Variants in MYO3B observed in about 807,000 individuals in gnomAD.
MYO3B encodes myosin IIIB.
Under a neutral mutation model 174.6 loss-of-function variants are expected in MYO3B, and 156 were observed. The observed-to-expected ratio is 0.89, with a 90% CI of 0.78 to 1.02. The LOEUF (loss-of-function observed/expected upper bound fraction) is 1.02. Ranked by LOEUF, MYO3B falls within the 50% of genes least tolerant of loss-of-function variation. The probability of loss-of-function intolerance (pLI) is 0.00; values close to 1 mark genes in which losing one functional copy is unlikely to be tolerated. For synonymous variants in MYO3B, 563 were observed against 569.1 expected, an observed-to-expected ratio of 0.99 and a Z score of 0.15; for missense variants, 1,632 against 1,639.4, an observed-to-expected ratio of 1.00 and a Z score of 0.08.
At chr2:170,434,924 T>G (rs1477537257) in intron 22 of MYO3B, among the ~76,000 whole-genome samples, 1 of 152,208 alleles carries the variant, frequency 6.6e-6, no homozygotes, top group Non-Finnish European at 1.5e-5. Context: ...CTCCCCAGAT[T>G]CTGGGATTAC....
intron 1 of MYO3B, among the ~76,000 whole-genome samples, chr2:170,189,597 G>C (rs2092514083): frequency 1.3e-5 from 2 of 150,958 alleles, no homozygotes; most frequent in Admixed American, 6.6e-5. Context: ...TCTTCTGCTT[G>C]ATCAATTCTG....
chr2:170,337,359 C>G (rs1574809597), intron 8 of MYO3B, among the ~76,000 whole-genome samples: 1 of 152,120 alleles, frequency 6.6e-6, no homozygotes, highest in Non-Finnish European at 1.5e-5. Context: ...CTTGATTGAC[C>G]TTGTCTAAGC....
chr2:170,198,046 C>T (rs1425656601), intron 1 of MYO3B, among the ~76,000 whole-genome samples: 3 of 151,586 alleles, frequency 2.0e-5, no homozygotes, highest in African/African-American at 7.3e-5. Flanking sequence ...GAAATAAGCT[C>T]CTAGGGCCTC....
chr2:170,622,637 T>C (rs1303927751), intron 32 of MYO3B, among the ~76,000 whole-genome samples: 1 of 152,140 alleles, frequency 6.6e-6, no homozygotes, highest in Non-Finnish European at 1.5e-5. Flanking sequence ...GTTTGTTACA[T>C]ATGTATACAT....
At chr2:170,302,925 TTTTG>T (rs2105448161) in intron 7 of MYO3B, among the ~76,000 whole-genome samples, 1 of 152,320 alleles carries the variant, frequency 6.6e-6, no homozygotes, top group African/African-American at 2.4e-5. Context: ...TGTCACTGAT[TTTTG>T]TTTTTGTTTT....
chr2:170,633,950 A>G (rs990212640), intron 32 of MYO3B, among the ~76,000 whole-genome samples: 8 of 152,276 alleles, frequency 5.3e-5, no homozygotes, highest in African/African-American at 1.7e-4. Context: ...CAAACCACTG[A>G]TCAACGAAAT....
chr2:170,225,682 T>G (rs1379485988), intron 6 of MYO3B, among the ~76,000 whole-genome samples: 2 of 152,138 alleles, frequency 1.3e-5, no homozygotes, highest in African/African-American at 2.4e-5. Context: ...AATTTTAGAG[T>G]CAGATAGATT....
chr2:170,386,399 C>A, intron 13 of MYO3B, 127 bp downstream of exon 13: 1 of 691,354 alleles, frequency 1.4e-6, no homozygotes. Context: ...ATCTTTGCTA[C>A]GTTTGCCTCC....
At position 170,404,104 on chromosome 2, in the gene MYO3B, G is replaced by A; in HGVS notation, c.2278-143G>A. The A allele has an allele frequency of 6.1e-6, 5 of 815,550 alleles. No individual in the cohort carries two copies. The South Asian group carries it at 1.1e-4, about 18-fold the overall frequency. The allele number at this position is 815,550 out of a possible 1,614,324, so 50.5% of individuals were successfully genotyped here. A position where few individuals can be genotyped will look rare whatever the true frequency, so the allele number is the denominator to read the frequency against. On this transcript the variant is annotated intron_variant, in intron 19 of 34. Transcript: ENST00000408978. Reference sequence around the variant, plus strand: ...AGCTTTAATGGTGTTATATGCAGAAGATTCCTTTATTATACACATAAAACA... The same window carrying A: ...AGCTTTAATGGTGTTATATGCAGAAAATTCCTTTATTATACACATAAAACA...
intron 7 of MYO3B, among the ~76,000 whole-genome samples, chr2:170,295,650 G>A (rs982159249): frequency 6.6e-6 from 1 of 152,096 alleles, no homozygotes; most frequent in African/African-American, 2.4e-5. Context: ...TGAGCCAACT[G>A]TCTTTGTTCC....
chr2:170,344,180 T>A (rs2093998207), intron 8 of MYO3B: 1 of 152,320 alleles, frequency 6.6e-6, no homozygotes, highest in Non-Finnish European at 1.5e-5. Context: ...ACTTTAAGAC[T>A]CTCTGGGCCA....
In MYO3B at chr2:170,403,013, G is replaced by T; in HGVS notation, c.2277+18G>T. 6.4e-7 allele frequency: 1 copy of T among 1,559,058 alleles called. No homozygotes were observed. The highest frequency in any genetic ancestry group is 1.2e-5 in the South Asian group (1 of 83,804). On this transcript the variant is annotated intron_variant, in intron 19 of 34. Coordinates refer to ENST00000408978, the MANE Select transcript of MYO3B (RefSeq NM_138995.5). Reference sequence around the variant, plus strand: ...TTGAGCAGGTAATAGTGAACTCTGAGGTAACTAAACTTGATGGGGAAAAGG... The same window carrying T: ...TTGAGCAGGTAATAGTGAACTCTGATGTAACTAAACTTGATGGGGAAAAGG...
intron 32 of MYO3B, chr2:170,648,027 A>T (rs1698512198): frequency 6.6e-6 from 1 of 152,242 alleles, no homozygotes; most frequent in African/African-American, 2.4e-5. Flanking sequence ...AGCATACTTC[A>T]CACCAGCAGC....
chr2:170,285,776 C>A (rs978954629), intron 7 of MYO3B, among the ~76,000 whole-genome samples: 2 of 149,896 alleles, frequency 1.3e-5, no homozygotes, highest in Admixed American at 1.3e-4. Context: ...TTATAGAAAT[C>A]ATTATTTATG....
intron 7 of MYO3B, among the ~76,000 whole-genome samples, chr2:170,325,921 T>C (rs1251404813): frequency 6.6e-6 from 1 of 152,206 alleles, no homozygotes; most frequent in Non-Finnish European, 1.5e-5. Flanking sequence ...CTGCTGACTG[T>C]GTTCATCGTG....
chr2:170,552,790 TC>T (rs34681672), intron 32 of MYO3B, among the ~76,000 whole-genome samples: 1 of 152,112 alleles, frequency 6.6e-6, no homozygotes, highest in African/African-American at 2.4e-5. Flanking sequence ...TGGCAGCCCC[TC>T]CCATCAAAGG....
At chr2:170,610,205 T>G (rs532544211) in intron 32 of MYO3B, among the ~76,000 whole-genome samples, 114 of 152,116 alleles carry the variant, frequency 7.5e-4, no homozygotes, top group Non-Finnish European at 1.3e-3. Context: ...ACGGGCATGG[T>G]GGCGGGCACT....
rs187919873 is a variant in MYO3B, at chr2:170,404,433, T to G, written c.2431+33T>G. ...ACTTCTGAGAAACAGGCATATACAT[T>G]TAGAACAAAACTTGGCTTGTGTCAT... On this transcript the variant is annotated intron_variant, in intron 20 of 34. Coordinates refer to ENST00000408978, the MANE Select transcript of MYO3B (RefSeq NM_138995.5). 72 of 1,568,286 alleles carry G rather than the reference T, an allele frequency of 4.6e-5. No homozygotes were observed. In the African/African-American group the frequency reaches 7.5e-4, roughly 16 times the overall value.
intron 7 of MYO3B, among the ~76,000 whole-genome samples, chr2:170,242,652 A>G (rs993074899): frequency 3.9e-5 from 6 of 152,140 alleles, no homozygotes; most frequent in Non-Finnish European, 8.8e-5. Flanking sequence ...GCCTTCAGGG[A>G]CTTTGGGTCC....
Sources: allele counts gnomAD v4.1 joint callset (sites outside exome capture counted in the v4.1 genomes callset), GRCh38; gene constraint gnomAD v4.1.1; transcripts MANE v1.5; gene names NCBI Gene and HGNC (gene_info 2026-07-23, HGNC 2026-07-21).